LDLRAD3: variants seen among roughly 807,000 people sequenced by gnomAD.
LDLRAD3 encodes low density lipoprotein receptor class A domain containing 3.
In LDLRAD3, 20 loss-of-function variants were observed where a neutral mutation model predicts 29.4. The ratio of observed to expected loss-of-function variants is 0.68; its 90% CI spans 0.48 to 0.99. The LOEUF is 0.99. LDLRAD3 is among the 50% of genes least tolerant of loss of function. LDLRAD3 has a pLI of 0.00. For missense variants in LDLRAD3, 420 were observed against 454.3 expected (o/e 0.92, Z 0.69); for synonymous variants, 157 against 192.7 (o/e 0.81, Z 1.53).
At chr11:36,181,701 G>A (rs890156788) in intron 4 of LDLRAD3, among the ~76,000 whole-genome samples, 2 of 152,118 alleles carry the variant, frequency 1.3e-5, no homozygotes, top group African/African-American at 2.4e-5. Flanking sequence ...ATACACTGCC[G>A]TATTTCTAAT....
chr11:36,103,563 G>A lies in LDLRAD3; in HGVS notation c.454+5102G>A, dbSNP rs115417815. On this transcript the variant is annotated intron_variant, in intron 4 of 5. Coordinates refer to ENST00000315571, the MANE Select transcript of LDLRAD3 (RefSeq NM_174902.4). Reference sequence around the variant, plus strand: ...CCAGTATTTAATCATTCTTAAGTGTGTATGTGTCCTGGACTCACTTACTCA... The same window carrying A: ...CCAGTATTTAATCATTCTTAAGTGTATATGTGTCCTGGACTCACTTACTCA... 5.5e-3 allele frequency among the ~76,000 whole-genome samples: 842 copies of A among 152,226 alleles called. 7 individuals carry two copies. Among genetic ancestry groups the A allele is most frequent in the African/African-American group, 0.019 (785 of 41,536 alleles).
In LDLRAD3 at chr11:36,132,042, T is replaced by C. The variant is rs186091832; in HGVS notation, c.454+33581T>C. 1.7e-3 allele frequency among the ~76,000 whole-genome samples: 251 copies of C among 150,278 alleles called. 1 individual carries two copies. The highest frequency in any genetic ancestry group is 5.8e-3 in the African/African-American group (232 of 40,312). On this transcript the variant is annotated intron_variant, in intron 4 of 5. Transcript: ENST00000315571. ...GAGCACCAAGGAGATGTTTGTCTTT[T>C]TAAATCAGCTGGGATTTTTTTTTTT...
intron 1 of LDLRAD3, among the ~76,000 whole-genome samples, chr11:35,950,328 G>T (rs960846994): frequency 6.6e-6 from 1 of 152,182 alleles, no homozygotes; most frequent in African/African-American, 2.4e-5. Flanking sequence ...TCTTGAACAG[G>T]TTTCAGAGGT....
chr11:36,072,995 G>A (rs936320390), intron 2 of LDLRAD3, among the ~76,000 whole-genome samples: 11 of 141,390 alleles, frequency 7.8e-5, no homozygotes, highest in Admixed American at 2.2e-4. Flanking sequence ...CTTTCAGGGT[G>A]GAGAGTTCTT....
At chr11:36,125,156 G>T (rs1050173441) in intron 4 of LDLRAD3, among the ~76,000 whole-genome samples, 7 of 152,102 alleles carry the variant, frequency 4.6e-5, no homozygotes, top group Non-Finnish European at 7.3e-5. Flanking sequence ...CTTTATGATT[G>T]TGGGTCTGCA....
chr11:36,226,494 G>A (rs887946883), intron 4 of LDLRAD3, among the ~76,000 whole-genome samples: 4 of 152,194 alleles, frequency 2.6e-5, no homozygotes, highest in African/African-American at 4.8e-5. Flanking sequence ...CTGTTCCCTG[G>A]ATAGCATATG....
At chr11:35,948,960 G>A (rs769169747) in intron 1 of LDLRAD3, among the ~76,000 whole-genome samples, 2 of 152,034 alleles carry the variant, frequency 1.3e-5, no homozygotes, top group African/African-American at 2.4e-5. Flanking sequence ...GAGAACCCCT[G>A]GTCTAGCATG....
At chr11:36,184,742 G>C (rs761613000) in intron 4 of LDLRAD3, among the ~76,000 whole-genome samples, 1 of 152,182 alleles carries the variant, frequency 6.6e-6, no homozygotes, top group African/African-American at 2.4e-5. Flanking sequence ...TGTTGAATTT[G>C]TTGCAAAGAC....
chr11:36,231,652 A>G lies in LDLRAD3; in HGVS notation c.*2255A>G, dbSNP rs953530423. 1 of 152,186 alleles carries G rather than the reference A, an allele frequency of 6.6e-6. No homozygotes were observed. The highest frequency in any genetic ancestry group is 2.1e-4 in the South Asian group (1 of 4,832). 9.4% of individuals were successfully genotyped at this position (152,186 alleles called of 1,614,324 possible). A position where few individuals can be genotyped will look rare whatever the true frequency, so the allele number is the denominator to read the frequency against. On this transcript the variant is annotated 3_prime_UTR_variant, in exon 6 of 6. Coordinates refer to ENST00000315571, the MANE Select transcript of LDLRAD3 (RefSeq NM_174902.4). Reference sequence around the variant, plus strand: ...AAGGGATGCCTACTAATGCTTTTTTAAAACAAACAGGGACATTTTTATTAT... The same window carrying G: ...AAGGGATGCCTACTAATGCTTTTTTGAAACAAACAGGGACATTTTTATTAT...
At chr11:35,991,812 C>T (rs1484267758) in intron 1 of LDLRAD3, among the ~76,000 whole-genome samples, 1 of 151,094 alleles carries the variant, frequency 6.6e-6, no homozygotes, top group Non-Finnish European at 1.5e-5. Context: ...TTTTCGATAG[C>T]TACAATTGTA....
intron 1 of LDLRAD3, among the ~76,000 whole-genome samples, chr11:35,997,849 G>A (rs927202478): frequency 3.3e-5 from 5 of 152,236 alleles, no homozygotes; most frequent in Non-Finnish European, 7.3e-5. Context: ...CAGCTGCAAA[G>A]TGGTGGGGCT....
intron 2 of LDLRAD3, among the ~76,000 whole-genome samples, chr11:36,080,361 G>GT (rs568055655): frequency 3.3e-5 from 5 of 152,352 alleles, no homozygotes; most frequent in Admixed American, 1.3e-4. Flanking sequence ...AGTTACAGCA[G>GT]TTTCTGCTAA....
chr11:36,080,264 G>A (rs994615264), intron 2 of LDLRAD3, among the ~76,000 whole-genome samples: 7 of 152,122 alleles, frequency 4.6e-5, no homozygotes, highest in African/African-American at 7.2e-5. Context: ...TCTCCTAATC[G>A]CAAGCCGGAG....
chr11:36,014,316 G>A (rs1851993084), intron 1 of LDLRAD3, among the ~76,000 whole-genome samples: 1 of 152,228 alleles, frequency 6.6e-6, no homozygotes, highest in Non-Finnish European at 1.5e-5. Context: ...AGGGGTGCAT[G>A]ACCGGCATGG....
chr11:36,147,125 T>A (rs1482158021), intron 4 of LDLRAD3, among the ~76,000 whole-genome samples: 2 of 71,014 alleles, frequency 2.8e-5, no homozygotes, highest in East Asian at 7.0e-4. Context: ...TTTTTTTTTT[T>A]TTTTTTTTTT....
chr11:36,159,918 G>A (rs1854413124), intron 4 of LDLRAD3, among the ~76,000 whole-genome samples: 2 of 152,164 alleles, frequency 1.3e-5, no homozygotes, highest in South Asian at 4.2e-4. Context: ...CTGCCCAGTA[G>A]TGAGTCCTCC....
intron 1 of LDLRAD3, among the ~76,000 whole-genome samples, chr11:36,029,525 AAACCC>A (rs1852209384): frequency 6.6e-6 from 1 of 152,198 alleles, no homozygotes; most frequent in Non-Finnish European, 1.5e-5. Flanking sequence ...ATGGCTCTGC[AAACCC>A]CCACTAGATT....
intron 4 of LDLRAD3, among the ~76,000 whole-genome samples, chr11:36,157,639 C>G (rs1275636170): frequency 6.6e-6 from 1 of 152,088 alleles, no homozygotes; most frequent in African/African-American, 2.4e-5. Flanking sequence ...TTTTGCGGGT[C>G]TCTGTTTTGA....
Position 36,227,129 on chromosome 11 carries a change from G to C in LDLRAD3, c.499G>C (p.Val167Leu), listed in dbSNP as rs950800771. ...QVFVTSENQL[V>L]YYPSITYAII... The stretch of plus-strand genomic sequence containing the variant: ...GTTTGTGACTTCAGAGAACCAACTT[G>C]TGTATTACCCCAGCATCACCTATGC... Residue 167 changes from valine (V) to leucine (L), a missense_variant, in exon 5 of 6, where the codon GTG (valine) becomes CTG (leucine). Coordinates refer to ENST00000315571, the MANE Select transcript of LDLRAD3 (RefSeq NM_174902.4). 3.7e-6 allele frequency: 6 copies of C among 1,611,388 alleles called. No homozygotes were observed. The highest frequency in any genetic ancestry group is 5.1e-6 in the Non-Finnish European group (6 of 1,178,210).
Sources: gnomAD v4.1 joint callset for allele counts (sites outside exome capture counted in the v4.1 genomes callset) on GRCh38, gnomAD v4.1.1 for gene constraint, MANE v1.5 for transcripts, NCBI Gene and HGNC (gene_info 2026-07-23, HGNC 2026-07-21) for gene names.